DSCAML1: variants seen among roughly 807,000 people sequenced by gnomAD.
DSCAML1 encodes DS cell adhesion molecule like 1, also known as cell adhesion molecule DSCAML1.
A neutral mutation model predicts 200.5 loss-of-function variants in DSCAML1; 38 were observed. The observed-to-expected ratio is 0.19, with a 90% confidence interval of 0.15 to 0.25. The LOEUF (loss-of-function observed/expected upper bound fraction) is 0.25. Ranked by LOEUF, DSCAML1 falls within the 10% of genes least tolerant of loss-of-function variation. The probability of loss-of-function intolerance (pLI) is 1.00; values close to 1 mark genes in which losing one functional copy is unlikely to be tolerated. For missense variants in DSCAML1, 2,223 were observed against 2,858.8 expected (o/e 0.78, Z 5.07); for synonymous variants, 1,215 against 1,165.0 (o/e 1.04, Z -0.87).
At position 117,504,200 on chromosome 11, in the gene DSCAML1, C is replaced by A. The variant is rs964103586; in HGVS notation, c.2183-179G>T. On this transcript the variant is annotated intron_variant, in intron 10 of 32. Transcript: ENST00000651296. The surrounding 1 kb of genome is among the most constrained non-coding windows in gnomAD (Gnocchi z 5.0). ...TGGTGGGCAACAGGAAAGACCCCCCCACCAGAGGACTGGCCTTGCCCCAGC... is the reference window on the plus strand; with the variant it reads ...TGGTGGGCAACAGGAAAGACCCCCCAACCAGAGGACTGGCCTTGCCCCAGC... 3.9e-5 allele frequency among the ~76,000 whole-genome samples: 6 copies of A among 152,212 alleles called. No homozygotes were observed. The highest frequency in any genetic ancestry group is 9.7e-5 in the African/African-American group (4 of 41,450).
At chr11:117,735,753 G>A (rs2054305274) in intron 3 of DSCAML1, among the ~76,000 whole-genome samples, 1 of 152,130 alleles carries the variant, frequency 6.6e-6, no homozygotes, top group Non-Finnish European at 1.5e-5. Context: ...TGCGTCCAGC[G>A]GGTCCTGTCA....
At chr11:117,656,840 G>T (rs1185714725) in intron 3 of DSCAML1, among the ~76,000 whole-genome samples, 1 of 152,220 alleles carries the variant, frequency 6.6e-6, no homozygotes, top group Non-Finnish European at 1.5e-5. Flanking sequence ...CTTGGTAGCT[G>T]TAGCCCTCAA....
intron 3 of DSCAML1, among the ~76,000 whole-genome samples, chr11:117,632,454 A>C (rs936140063): frequency 1.2e-4 from 18 of 152,154 alleles, no homozygotes; most frequent in African/African-American, 4.3e-4. Context: ...CTTCTTGTTT[A>C]AACTTTGCTC....
intron 3 of DSCAML1, among the ~76,000 whole-genome samples, chr11:117,550,598 T>C (rs1333932230): frequency 6.6e-6 from 1 of 152,236 alleles, no homozygotes; most frequent in Admixed American, 6.5e-5. Context: ...ATTTCTGCTA[T>C]GCTTTTTGTG....
chr11:117,619,911 C>G (rs1025430379), intron 3 of DSCAML1, among the ~76,000 whole-genome samples: 15 of 152,178 alleles, frequency 9.9e-5, no homozygotes, highest in Non-Finnish European at 1.9e-4. Flanking sequence ...AGTTCAAATT[C>G]TGACTCTTCT....
At chr11:117,793,957 T>C (rs1217533813) in intron 1 of DSCAML1, among the ~76,000 whole-genome samples, 1 of 152,056 alleles carries the variant, frequency 6.6e-6, no homozygotes, top group Non-Finnish European at 1.5e-5. Flanking sequence ...CCCTCCCCAG[T>C]ATTCACTGGC....
intron 15 of DSCAML1, among the ~76,000 whole-genome samples, chr11:117,470,785 T>C (rs900129158): frequency 2.0e-5 from 3 of 152,194 alleles, no homozygotes; most frequent in Non-Finnish European, 4.4e-5. Flanking sequence ...ATATAATGGA[T>C]ACTATACAGC....
intron 6 of DSCAML1, among the ~76,000 whole-genome samples, chr11:117,520,498 A>G (rs1173337001): frequency 6.6e-6 from 1 of 152,130 alleles, no homozygotes; most frequent in Non-Finnish European, 1.5e-5. Context: ...CCAAGGGCAG[A>G]GACAGTAGAG....
intron 1 of DSCAML1, among the ~76,000 whole-genome samples, chr11:117,792,788 C>T (rs2055495522): frequency 6.6e-6 from 1 of 152,200 alleles, no homozygotes; most frequent in Admixed American, 6.5e-5. Context: ...CCTCTTCTTC[C>T]TGCACCATGA....
chr11:117,674,583 C>A (rs1325395052), intron 3 of DSCAML1, among the ~76,000 whole-genome samples: 2 of 152,244 alleles, frequency 1.3e-5, no homozygotes, highest in East Asian at 3.9e-4. Flanking sequence ...GGTAGTATCC[C>A]CGCAAGGTAC....
intron 3 of DSCAML1, among the ~76,000 whole-genome samples, chr11:117,620,509 G>A (rs898390954): frequency 6.6e-6 from 1 of 152,214 alleles, no homozygotes; most frequent in Non-Finnish European, 1.5e-5. Context: ...ATTAACTCCA[G>A]AGGGGAGATT....
At chr11:117,625,024 C>G (rs979515882) in intron 3 of DSCAML1, among the ~76,000 whole-genome samples, 1 of 152,042 alleles carries the variant, frequency 6.6e-6, no homozygotes, top group African/African-American at 2.4e-5. Context: ...GGAGTGTGGC[C>G]GGGGCTTTGG....
chr11:117,588,241 C>T (rs59247085), intron 3 of DSCAML1, among the ~76,000 whole-genome samples: 7,525 of 152,086 alleles, frequency 0.049, 637 homozygotes, highest in African/African-American at 0.17. Flanking sequence ...CACCCTAGCT[C>T]GGGGGTCGGG....
At chr11:117,808,804 G>A (rs1278183939) in intron 1 of DSCAML1, among the ~76,000 whole-genome samples, 1 of 152,174 alleles carries the variant, frequency 6.6e-6, no homozygotes, top group East Asian at 1.9e-4. Flanking sequence ...AAGCCTTGGT[G>A]AACACTGCTT....
At chr11:117,524,419 C>A (rs1157419874) in intron 5 of DSCAML1, among the ~76,000 whole-genome samples, 2 of 152,232 alleles carry the variant, frequency 1.3e-5, no homozygotes, top group East Asian at 3.8e-4. Context: ...AGTTCGGACA[C>A]TACCTCCCTA....
At chr11:117,488,208 GTCC>G (rs1381370269) in intron 11 of DSCAML1, among the ~76,000 whole-genome samples, 1 of 152,194 alleles carries the variant, frequency 6.6e-6, no homozygotes, top group Non-Finnish European at 1.5e-5. Flanking sequence ...GGACCACGGT[GTCC>G]TCCTGTGCCC....
At chr11:117,473,235 G>A (rs1045557135) in intron 14 of DSCAML1, among the ~76,000 whole-genome samples, 35 of 152,160 alleles carry the variant, frequency 2.3e-4, no homozygotes, top group African/African-American at 8.2e-4. Flanking sequence ...AGTGGCTCAT[G>A]CCTGTAATCC....
At chr11:117,472,575 C>G (rs891914817) in intron 14 of DSCAML1, among the ~76,000 whole-genome samples, 2 of 152,152 alleles carry the variant, frequency 1.3e-5, no homozygotes, top group Non-Finnish European at 1.5e-5. Context: ...AGGCCAAGTA[C>G]CAGAGTCCCC....
At chr11:117,706,249 G>A (rs1288899361) in intron 3 of DSCAML1, among the ~76,000 whole-genome samples, 1 of 152,142 alleles carries the variant, frequency 6.6e-6, no homozygotes, top group African/African-American at 2.4e-5. Context: ...GCTAGTGCAA[G>A]GTCTGTCCTA....
Sources: allele counts gnomAD v4.1 joint callset (sites outside exome capture counted in the v4.1 genomes callset), GRCh38; gene constraint gnomAD v4.1.1; non-coding constraint Gnocchi (gnomAD v3.1); transcripts MANE v1.5; gene names NCBI Gene and HGNC (gene_info 2026-07-23, HGNC 2026-07-21).